Variants in LRRC63 observed in about 807,000 individuals in gnomAD.
The protein encoded by LRRC63 is leucine rich repeat containing 63.
LRRC63 carries 40 observed loss-of-function variants against 49.5 expected under a neutral mutation model. The observed-to-expected ratio is 0.81, with a 90% confidence interval of 0.63 to 1.05. The LOEUF is 1.05. Among genes scored for constraint, LRRC63 ranks in the 50% least tolerant of loss-of-function variants. The probability of loss-of-function intolerance (pLI) is 0.00; values close to 1 mark genes in which losing one functional copy is unlikely to be tolerated. For synonymous variants in LRRC63, 191 were observed against 221.1 expected, an observed-to-expected ratio of 0.86 and a Z score of 1.21; for missense variants, 636 against 663.1, an observed-to-expected ratio of 0.96 and a Z score of 0.45.
intron 9 of LRRC63, among the ~76,000 whole-genome samples, chr13:46,271,045 G>T (rs2047751113): frequency 6.6e-6 from 1 of 152,144 alleles, no homozygotes; most frequent in South Asian, 2.1e-4. Context: ...AACTGTTAGA[G>T]GGTACCATAA....
intron 8 of LRRC63, among the ~76,000 whole-genome samples, chr13:46,263,608 G>T (rs759131362): frequency 2.0e-5 from 3 of 151,966 alleles, no homozygotes; most frequent in Non-Finnish European, 2.9e-5. Context: ...TCCACTGTTC[G>T]TTGAGACCTT....
In LRRC63 at chr13:46,224,270, T is replaced by G. The variant is rs532321624; in HGVS notation, c.86-3242T>G. On this transcript the variant is annotated intron_variant, in intron 2 of 9. Coordinates refer to ENST00000595396, the Ensembl canonical transcript of LRRC63. ...TCTTTTAGGTTCTTTTTCTTTATTTTTGTCTGACTGGATTATTTCAAAAGA... is the reference window on the plus strand; with the variant it reads ...TCTTTTAGGTTCTTTTTCTTTATTTGTGTCTGACTGGATTATTTCAAAAGA... Among the ~76,000 whole-genome samples, 99 of 152,298 alleles carry G rather than the reference T, an allele frequency of 6.5e-4. 2 individuals are homozygous for G. The highest frequency in any genetic ancestry group is 3.8e-4 in the Non-Finnish European group (26 of 68,030).
chr13:46,214,149 C>A (rs1050664788), intron 2 of LRRC63, among the ~76,000 whole-genome samples: 11 of 152,170 alleles, frequency 7.2e-5, no homozygotes, highest in Non-Finnish European at 1.3e-4. Flanking sequence ...TTCCCCTTCT[C>A]AGTTTCCTCT....
At chr13:46,257,160 A>C (rs2047525598) in intron 7 of LRRC63, among the ~76,000 whole-genome samples, 1 of 152,186 alleles carries the variant, frequency 6.6e-6, no homozygotes, top group Non-Finnish European at 1.5e-5. Flanking sequence ...CCATGAGTCA[A>C]GGAATGAGGC....
At chr13:46,258,414 C>T (rs551435627) in intron 7 of LRRC63, among the ~76,000 whole-genome samples, 4 of 149,684 alleles carry the variant, frequency 2.7e-5, no homozygotes, top group African/African-American at 9.7e-5. Flanking sequence ...CAGGCGTGAG[C>T]CCCCGCACCC....
At chr13:46,243,227 A>G (rs949509656) in intron 5 of LRRC63, among the ~76,000 whole-genome samples, 13 of 152,182 alleles carry the variant, frequency 8.5e-5, no homozygotes, top group Non-Finnish European at 1.6e-4. Context: ...CTTGTGAGCA[A>G]AGTCAAGTTG....
At chr13:46,270,428 T>G (rs567349783) in intron 9 of LRRC63, 1 of 797,870 alleles carries the variant, frequency 1.3e-6, no homozygotes, top group Admixed American at 1.7e-5. Context: ...TGTTAGAGGA[T>G]GTTCGATGGA....
At chr13:46,252,345 CA>C (rs1439356324) in intron 7 of LRRC63, among the ~76,000 whole-genome samples, 1 of 151,906 alleles carries the variant, frequency 6.6e-6, no homozygotes, top group Non-Finnish European at 1.5e-5. Flanking sequence ...TTTAGTGAAC[CA>C]AACCATTATG....
At chr13:46,260,032 CA>C (rs1203253548) in intron 7 of LRRC63, among the ~76,000 whole-genome samples, 2 of 152,174 alleles carry the variant, frequency 1.3e-5, no homozygotes, top group Non-Finnish European at 2.9e-5. Flanking sequence ...CATAGAGTAT[CA>C]GACCAAACAG....
At chr13:46,258,616 TGGCC>T (rs2047561060) in intron 7 of LRRC63, among the ~76,000 whole-genome samples, 1 of 150,574 alleles carries the variant, frequency 6.6e-6, no homozygotes, top group African/African-American at 2.4e-5. Context: ...GAGACCATCC[TGGCC>T]AACATGGTGA....
intron 5 of LRRC63, among the ~76,000 whole-genome samples, chr13:46,240,398 A>C (rs1377946252): frequency 1.3e-5 from 2 of 152,050 alleles, no homozygotes; most frequent in African/African-American, 4.8e-5. Context: ...AAGTGCTGGG[A>C]TTACAGGTGT....
At chr13:46,261,810 A>G (rs1354502563) in intron 7 of LRRC63, 99 bp from the exon 8 acceptor site, 10 of 377,958 alleles carry the variant, frequency 2.6e-5, no homozygotes, top group Non-Finnish European at 3.8e-5. Context: ...GATCTTAGAA[A>G]TCTGGTTTCT....
chr13:46,256,651 T>C (rs2047515862), intron 7 of LRRC63, among the ~76,000 whole-genome samples: 1 of 152,246 alleles, frequency 6.6e-6, no homozygotes, highest in South Asian at 2.1e-4. Context: ...AACTTGTTTC[T>C]TTAATTTCAT....
chr13:46,227,710 A>G (rs1008158462), exon 3 of LRRC63: 104 of 1,550,342 alleles, frequency 6.7e-5, no homozygotes, highest in Non-Finnish European at 8.6e-5. Context: ...TCTACTAAGC[A>G]TGTCCGTGAG....
intron 7 of LRRC63, among the ~76,000 whole-genome samples, chr13:46,258,992 CTATT>C (rs2047571197): frequency 6.6e-6 from 1 of 151,832 alleles, no homozygotes; most frequent in Non-Finnish European, 1.5e-5. Context: ...GAAAAAAGTT[CTATT>C]TGAGTAAAGC....
At chr13:46,259,746 A>AT (rs150911265) in intron 7 of LRRC63, among the ~76,000 whole-genome samples, 2,159 of 152,270 alleles carry the variant, frequency 0.014, 55 homozygotes, top group African/African-American at 0.05. Flanking sequence ...TATAGCTTCC[A>AT]TTTTTTTAAC....
chr13:46,240,105 C>T (rs1217643456), intron 5 of LRRC63, among the ~76,000 whole-genome samples: 1 of 151,228 alleles, frequency 6.6e-6, no homozygotes, highest in African/African-American at 2.4e-5. Context: ...TCAAGGATAC[C>T]CTCTATCTCT....
intron 5 of LRRC63, among the ~76,000 whole-genome samples, chr13:46,237,988 C>T (rs1419695752): frequency 1.3e-5 from 2 of 151,940 alleles, no homozygotes; most frequent in Admixed American, 6.6e-5. Flanking sequence ...ACCAGATGGA[C>T]CTAATTTCAG....
chr13:46,245,627 A>C (rs1380290555), intron 5 of LRRC63, among the ~76,000 whole-genome samples: 1 of 152,164 alleles, frequency 6.6e-6, no homozygotes, highest in Non-Finnish European at 1.5e-5. Flanking sequence ...CAACACACTA[A>C]TTAAAAAATA....
Sources: allele counts gnomAD v4.1 joint callset (sites outside exome capture counted in the v4.1 genomes callset), GRCh38; gene constraint gnomAD v4.1.1; transcripts MANE v1.5; gene names NCBI Gene and HGNC (gene_info 2026-07-23, HGNC 2026-07-21).